The following TGS1 variants were observed in gnomAD, a reference collection of about 807,000 sequenced individuals.
TGS1 encodes trimethylguanosine synthase 1, also known as trimethylguanosine synthase.
Under a neutral mutation model 92.2 loss-of-function variants are expected in TGS1, and 69 were observed. That is an observed-to-expected ratio of 0.75 (90% CI 0.62 to 0.91). The LOEUF is 0.91. Ranked by LOEUF, TGS1 falls within the 40% of genes least tolerant of loss-of-function variation. TGS1 has a pLI of 0.00. For missense variants in TGS1, 1,062 were observed against 1,001.2 expected (o/e 1.06, Z -0.82); for synonymous variants, 345 against 338.1 (o/e 1.02, Z -0.22).
intron 6 of TGS1, among the ~76,000 whole-genome samples, chr8:55,793,766 A>T (rs1393134778): frequency 7.9e-5 from 10 of 127,098 alleles, no homozygotes; most frequent in African/African-American, 3.2e-4. Context: ...TTATTTATTT[A>T]TTTATTTATT....
At position 55,775,947 on chromosome 8, in the gene TGS1, A is replaced by G. The variant is rs78989555; in HGVS notation, c.101+2228A>G. Among the ~76,000 whole-genome samples, 100 of 152,312 alleles carry G rather than the reference A, an allele frequency of 6.6e-4. 1 individual carries two copies. The highest frequency in any genetic ancestry group is 2.4e-3 in the African/African-American group (98 of 41,564). The stretch of plus-strand genomic sequence containing the variant: ...ATCAACATTGGAAAGCTGCCAAAAT[A>G]TCAAGCAAAATGAGGACTAAAAGTA... On this transcript the variant is annotated intron_variant, in intron 1 of 12. Transcript: ENST00000260129.
Position 55,782,829 on chromosome 8 carries a change from T to C in TGS1, c.166+17T>C, listed in dbSNP as rs1563450672. ...ACAATTCAGGTAATATAGTATAAAATTCTATAAACCTTTTTTGCTGAAATT... is the reference window on the plus strand; with the variant it reads ...ACAATTCAGGTAATATAGTATAAAACTCTATAAACCTTTTTTGCTGAAATT... On this transcript the variant is annotated intron_variant, in intron 2 of 12. Transcript: ENST00000260129. The C allele has an allele frequency of 6.5e-7, 1 of 1,546,796 alleles. No individual in the cohort carries two copies. Among genetic ancestry groups the C allele is most frequent in the Non-Finnish European group, 8.8e-7 (1 of 1,134,910 alleles).
intron 10 of TGS1, 147 bp from the exon 11 acceptor site, chr8:55,810,734 T>C: frequency 1.6e-6 from 1 of 636,274 alleles, no homozygotes; most frequent in South Asian, 2.0e-5. Flanking sequence ...AACTGAAGTC[T>C]GTATCTCGGG....
intron 4 of TGS1, among the ~76,000 whole-genome samples, chr8:55,789,424 G>A (rs896126): frequency 0.84 from 127,613 of 152,214 alleles, 53,958 homozygotes; most frequent in African/African-American, 0.95. Context: ...CCCCCTTTAC[G>A]GTCATTTCAA....
chr8:55,785,282 C>A (rs899046898), intron 2 of TGS1, among the ~76,000 whole-genome samples: 1 of 152,120 alleles, frequency 6.6e-6, no homozygotes, highest in African/African-American at 2.4e-5. Context: ...TCTCAAACTC[C>A]TGACCTCAAG....
intron 12 of TGS1, 35 bp from the exon 13 acceptor site, chr8:55,824,546 G>A: frequency 6.2e-7 from 1 of 1,611,882 alleles, no homozygotes; most frequent in Non-Finnish European, 8.5e-7. Flanking sequence ...TTATGCTTAG[G>A]TGTGTGTGTG....
intron 2 of TGS1, among the ~76,000 whole-genome samples, chr8:55,783,721 A>G (rs1020764021): frequency 1.3e-5 from 2 of 152,226 alleles, no homozygotes; most frequent in African/African-American, 4.8e-5. Flanking sequence ...AGCCAAAGTC[A>G]GCCCAAGTAC....
Position 55,786,440 on chromosome 8 carries a change from A to G in TGS1, c.542A>G (p.Asn181Ser). ...AGCAAAAAAGATACTGAGACAGAAA[A>G]TCCTCCAGTTGAAAACACATTATCT... ...LQSKKDTETE[N>S]PPVENTLSPK... Residue 181 changes from asparagine (N) to serine (S), a missense_variant, in exon 4 of 13, where the codon AAT becomes AGT. By Grantham distance (46) the Asn-to-Ser change is conservative (BLOSUM62 1). Coordinates refer to ENST00000260129, the MANE Select transcript of TGS1 (RefSeq NM_024831.8). The G allele has an allele frequency of 6.2e-7, 1 of 1,613,656 alleles. No homozygotes were observed. The highest frequency in any genetic ancestry group is 8.5e-7 in the Non-Finnish European group (1 of 1,179,912).
intron 12 of TGS1, among the ~76,000 whole-genome samples, chr8:55,813,828 A>G (rs1803400288): frequency 6.6e-6 from 1 of 152,100 alleles, no homozygotes; most frequent in South Asian, 2.1e-4. Context: ...TACCTCTATC[A>G]GGTTTTCCAA....
chr8:55,788,393 A>G (rs1251367708), intron 4 of TGS1, among the ~76,000 whole-genome samples: 1 of 151,572 alleles, frequency 6.6e-6, no homozygotes, highest in African/African-American at 2.4e-5. Flanking sequence ...GATTCTTATA[A>G]GTGGAGCCTA....
Position 55,824,858 on chromosome 8 carries a change from AT to A in TGS1, c.*159del. 1 of 758,346 alleles carries A rather than the reference AT, an allele frequency of 1.3e-6. No individual in the cohort carries two copies. The highest frequency in any genetic ancestry group is 2.0e-5 in the South Asian group (1 of 49,840). 47.0% of individuals were successfully genotyped at this position (758,346 alleles called of 1,614,324 possible). On this transcript the variant is annotated 3_prime_UTR_variant, in exon 13 of 13. Transcript: ENST00000260129. The stretch of plus-strand genomic sequence containing the variant: ...TACAGGACTTAAATATCAGTGAAAT[AT>A]TTTGAGATCTTTGAATAATTCCTTT...
chr8:55,810,605 G>T (rs1374274590), intron 10 of TGS1, among the ~76,000 whole-genome samples: 1 of 152,202 alleles, frequency 6.6e-6, no homozygotes, highest in Non-Finnish European at 1.5e-5. Flanking sequence ...TAGATATTTT[G>T]TGGCAAGTAT....
In TGS1 at chr8:55,802,442, T is replaced by C; in HGVS notation, c.1850-15T>C. The C allele has an allele frequency of 6.2e-7, 1 of 1,608,980 alleles. No homozygotes were observed. Among genetic ancestry groups the C allele is most frequent in the African/African-American group, 1.3e-5 (1 of 74,812 alleles). ...TTTCTTAGTGAGCATCTATATTCTTTGTATTTTATTTTAGCTGAAGTGAAA... is the reference window on the plus strand; with the variant it reads ...TTTCTTAGTGAGCATCTATATTCTTCGTATTTTATTTTAGCTGAAGTGAAA... On this transcript the variant is annotated splice_polypyrimidine_tract_variant and intron_variant, in intron 8 of 12. Transcript: ENST00000260129.
Position 55,810,976 on chromosome 8 carries a change from GA to G in TGS1, c.2240del (p.Asp747ValfsTer9). 6.2e-7 allele frequency: 1 copy of G among 1,614,180 alleles called. No homozygotes were observed. The highest frequency in any genetic ancestry group is 8.5e-7 in the Non-Finnish European group (1 of 1,180,020). On this transcript the variant is annotated frameshift_variant, in exon 11 of 13. Coordinates refer to ENST00000260129, the MANE Select transcript of TGS1 (RefSeq NM_024831.8). LOFTEE classifies it high-confidence loss of function. The part of the protein sequence containing the change: ...IADKIEFICG[D>X]FLLLASFLKA... The stretch of plus-strand genomic sequence containing the variant: ...AGATAAGATAGAGTTCATCTGTGGA[GA>G]TTTCTTGCTGCTGGCTTCTTTTTTA...
chr8:55,798,751 T>C (rs1269915735), intron 7 of TGS1, among the ~76,000 whole-genome samples, 163 bp from the exon 8 acceptor site: 1 of 152,132 alleles, frequency 6.6e-6, no homozygotes, highest in Non-Finnish European at 1.5e-5. Context: ...AGCATTCTGA[T>C]TAGGTCAGAA....
rs570542133 is a variant in TGS1 at position 55,777,057 on chromosome 8, G to C, written c.101+3338G>C. Among the ~76,000 whole-genome samples the C allele has an allele frequency of 2.6e-5, 4 of 152,020 alleles. No individual in the cohort carries two copies. In the South Asian group the frequency reaches 8.3e-4, roughly 32 times the overall value. On this transcript the variant is annotated intron_variant, in intron 1 of 12. Coordinates refer to ENST00000260129, the MANE Select transcript of TGS1 (RefSeq NM_024831.8). ...GGGTCTCACTTTGTCACCCAGGCTGGAGTGCAATGGTACAATCACAGCTCA... is the reference window on the plus strand; with the variant it reads ...GGGTCTCACTTTGTCACCCAGGCTGCAGTGCAATGGTACAATCACAGCTCA...
At chr8:55,823,179 T>C (rs189679283) in intron 12 of TGS1, among the ~76,000 whole-genome samples, 4 of 152,342 alleles carry the variant, frequency 2.6e-5, no homozygotes, top group Admixed American at 2.0e-4. Flanking sequence ...GTATTTGCTA[T>C]TTAAAAGATT....
rs910102895 is a variant in TGS1, at chr8:55,787,913, C to T, written c.1162+853C>T. ...AGAGAGCAAGAGAGAGGGGGGAGGT[C>T]CCAGGCTCTTGTTAGCAATCAGATA... On this transcript the variant is annotated intron_variant, in intron 4 of 12. Transcript: ENST00000260129. Among the ~76,000 whole-genome samples, 3 of 152,276 alleles carry T rather than the reference C, an allele frequency of 2.0e-5. No individual in the cohort carries two copies. The East Asian group carries it at 5.8e-4, about 29-fold the overall frequency.
intron 10 of TGS1, among the ~76,000 whole-genome samples, chr8:55,807,349 T>C (rs1803198960): frequency 6.6e-6 from 1 of 152,180 alleles, no homozygotes; most frequent in Admixed American, 6.5e-5. Context: ...ATAATATTTG[T>C]TGCTTGACTT....
Sources: gnomAD v4.1 joint callset for allele counts (sites outside exome capture counted in the v4.1 genomes callset) on GRCh38, gnomAD v4.1.1 for gene constraint, MANE v1.5 for transcripts, NCBI Gene and HGNC (gene_info 2026-07-23, HGNC 2026-07-21) for gene names.